NF1: variants seen among roughly 807,000 people sequenced by gnomAD.
The protein encoded by NF1 is neurofibromin 1, also known as neurofibromin.
Under a neutral mutation model 325.7 loss-of-function variants are expected in NF1, and 122 were observed. The observed-to-expected ratio is 0.37, with a 90% CI of 0.32 to 0.44. The LOEUF (loss-of-function observed/expected upper bound fraction) is 0.44. NF1 is among the 20% of genes least tolerant of loss of function. The pLI, the probability that NF1 is intolerant of heterozygous loss-of-function variation, is 1.00. For missense variants in NF1, 2,140 were observed against 3,415.4 expected (o/e 0.63, Z 9.31); for synonymous variants, 1,091 against 1,186.0 (o/e 0.92, Z 1.65).
intron 1 of NF1, among the ~76,000 whole-genome samples, chr17:31,133,949 G>A (rs919145420): frequency 3.3e-5 from 5 of 152,218 alleles, no homozygotes; most frequent in South Asian, 2.1e-4. Context: ...GAGCCACTGC[G>A]TCTGGCCTTA....
At chr17:31,121,766 G>A (rs1283407879) in intron 1 of NF1, among the ~76,000 whole-genome samples, 1 of 152,206 alleles carries the variant, frequency 6.6e-6, no homozygotes, top group African/African-American at 2.4e-5. Flanking sequence ...GCATCCCAGT[G>A]ATGAAGCTGA....
intron 36 of NF1, among the ~76,000 whole-genome samples, chr17:31,302,027 T>G (rs1222772596): frequency 6.6e-6 from 1 of 152,194 alleles, no homozygotes; most frequent in Non-Finnish European, 1.5e-5. Context: ...TCCTGCTGAT[T>G]AAGCAAGGAT....
intron 15 of NF1, chr17:31,222,417 T>C: frequency 9.7e-7 from 1 of 1,032,414 alleles, no homozygotes; most frequent in Non-Finnish European, 1.2e-6. Context: ...TCCTAGATTA[T>C]ACAAATCATT....
intron 1 of NF1, among the ~76,000 whole-genome samples, chr17:31,109,236 C>A (rs973704932): frequency 1.3e-5 from 2 of 152,158 alleles, no homozygotes; most frequent in African/African-American, 4.8e-5. Flanking sequence ...ATTTCTCTTA[C>A]CATATTTCTA....
intron 35 of NF1, among the ~76,000 whole-genome samples, chr17:31,264,568 C>T (rs1170491583): frequency 6.6e-6 from 1 of 151,976 alleles, no homozygotes; most frequent in African/African-American, 2.4e-5. Context: ...TAGGTGTTCC[C>T]TAGAAACTGA....
intron 1 of NF1, among the ~76,000 whole-genome samples, chr17:31,100,567 T>TTTTA (rs1597557241): frequency 6.6e-6 from 1 of 151,856 alleles, no homozygotes; most frequent in African/African-American, 2.4e-5. Flanking sequence ...TATTTTAAAT[T>TTTTA]TTTATTTATT....
At chr17:31,230,784 T>C in intron 23 of NF1, 58 bp from the exon 24 acceptor site, 2 of 1,233,606 alleles carry the variant, frequency 1.6e-6, no homozygotes, top group African/African-American at 3.0e-5. Flanking sequence ...TGACTAAAGG[T>C]GTGTGTGTGG....
intron 36 of NF1, chr17:31,320,931 T>C (rs2069169900): frequency 6.5e-6 from 1 of 153,088 alleles, no homozygotes; most frequent in South Asian, 2.0e-4. Context: ...CATCATAGTA[T>C]TGGTACACAT....
chr17:31,333,866 T>G (rs2069569723), intron 39 of NF1, among the ~76,000 whole-genome samples: 1 of 152,240 alleles, frequency 6.6e-6, no homozygotes, highest in Non-Finnish European at 1.5e-5. Context: ...TACCACAATT[T>G]TAAAAACTCT....
At chr17:31,252,435 A>G (rs987320689) in intron 30 of NF1, 4 of 195,586 alleles carry the variant, frequency 2.0e-5, no homozygotes, top group South Asian at 1.9e-4. Context: ...ATATTTATCC[A>G]TATAATTTTT....
chr17:31,208,493 A>G (rs1394006326), intron 12 of NF1, among the ~76,000 whole-genome samples: 1 of 152,174 alleles, frequency 6.6e-6, no homozygotes, highest in Non-Finnish European at 1.5e-5. Flanking sequence ...TTGCCAGGCA[A>G]AGGTGCTAAT....
intron 1 of NF1, among the ~76,000 whole-genome samples, chr17:31,124,792 G>A (rs767597675): frequency 3.4e-4 from 51 of 150,544 alleles, no homozygotes; most frequent in Middle Eastern, 3.4e-3. Context: ...TAGTACAGGC[G>A]GTGTTTCACT....
chr17:31,183,223 A>C (rs942265599), intron 8 of NF1: 3 of 197,662 alleles, frequency 1.5e-5, no homozygotes, highest in Non-Finnish European at 3.0e-5. Flanking sequence ...TGATTGAAAA[A>C]AAAAAGAACT....
At chr17:31,119,623 A>C (rs1325402025) in intron 1 of NF1, among the ~76,000 whole-genome samples, 2 of 151,782 alleles carry the variant, frequency 1.3e-5, no homozygotes, top group Non-Finnish European at 2.9e-5. Context: ...ATTAGATCCC[A>C]TTTGTCAATT....
At chr17:31,115,229 G>C (rs184935285) in intron 1 of NF1, among the ~76,000 whole-genome samples, 88 of 152,274 alleles carry the variant, frequency 5.8e-4, no homozygotes, top group African/African-American at 2.0e-3. Flanking sequence ...AGAGTTCAGG[G>C]ATGCTGTCAG....
rs2151587589 is a variant in NF1, at chr17:31,360,483, A to T, written c.8161-4A>T. The T allele has an allele frequency of 6.2e-7, 1 of 1,613,100 alleles. No individual in the cohort carries two copies. The highest frequency in any genetic ancestry group is 8.5e-7 in the Non-Finnish European group (1 of 1,179,048). On this transcript the variant is annotated splice_region_variant and splice_polypyrimidine_tract_variant and intron_variant, in intron 56 of 57. Coordinates refer to ENST00000358273, the MANE Select transcript of NF1 (RefSeq NM_001042492.3). ...CTAAAATAATTTCCTATTTTCCATT[A>T]CAGCAAACACAAATTCCAGACTATG...
At chr17:31,225,305 G>T in intron 17 of NF1, 55 bp downstream of exon 17, 1 of 1,595,024 alleles carries the variant, frequency 6.3e-7, no homozygotes, top group Middle Eastern at 1.7e-4. Context: ...TTTGTTTTCT[G>T]AATGAAATTT....
In NF1 at chr17:31,261,713, A is replaced by T. The variant is rs1269451510; in HGVS notation, c.4580A>T (p.Asp1527Val). The change falls in exon 35 of 58, where the codon GAT (aspartate) becomes GTT (valine). Residue 1527 changes from aspartate (D) to valine (V), a missense_variant and splice_region_variant. Asp to Val is a radical substitution (Grantham distance 152, BLOSUM62 -3). Transcript: ENST00000358273. ...KIGQYLSSNR[D>V]HKAVGRRPFD... ...TCTAAGTAGTTTGCTGTATCTAGGG[A>T]TCATAAAGCTGTTGGAAGACGACCT... The T allele has an allele frequency of 1.9e-6, 3 of 1,611,982 alleles. No individual in the cohort carries two copies. Among genetic ancestry groups the T allele is most frequent in the Non-Finnish European group, 2.5e-6 (3 of 1,179,934 alleles).
intron 14 of NF1, among the ~76,000 whole-genome samples, chr17:31,219,729 C>G (rs2066889793): frequency 6.6e-6 from 1 of 150,948 alleles, no homozygotes; most frequent in African/African-American, 2.4e-5. Flanking sequence ...CTTGACTCCC[C>G]ATTCCCTCAT....
Sources: allele counts gnomAD v4.1 joint callset (sites outside exome capture counted in the v4.1 genomes callset), GRCh38; gene constraint gnomAD v4.1.1; transcripts MANE v1.5; gene names NCBI Gene and HGNC (gene_info 2026-07-23, HGNC 2026-07-21).